Variants in CTNND2 observed in about 807,000 individuals in gnomAD.
CTNND2 encodes catenin delta 2.
Under a neutral mutation model 144.4 loss-of-function variants are expected in CTNND2, and 22 were observed. That is an observed-to-expected ratio of 0.15 (90% confidence interval 0.11 to 0.22). The LOEUF is 0.22. Among genes scored for constraint, CTNND2 ranks in the 10% least tolerant of loss-of-function variants. The pLI is 1.00. For synonymous variants in CTNND2, 751 were observed against 695.6 expected (o/e 1.08, Z -1.25); for missense variants, 1,353 against 1,618.8 (o/e 0.84, Z 2.82).
intron 12 of CTNND2, among the ~76,000 whole-genome samples, chr5:11,150,018 A>G (rs1032184349): frequency 1.3e-5 from 2 of 152,180 alleles, no homozygotes; most frequent in African/African-American, 2.4e-5. Context: ...AGAATAAGCA[A>G]TTGGCTTTCT....
chr5:11,294,488 T>C (rs1325553394), intron 9 of CTNND2, among the ~76,000 whole-genome samples: 1 of 152,198 alleles, frequency 6.6e-6, no homozygotes, highest in Admixed American at 6.5e-5. Context: ...CTAACCATAT[T>C]TGTTACCAAT....
chr5:11,641,528 C>G (rs765046702), intron 2 of CTNND2, among the ~76,000 whole-genome samples: 1 of 150,556 alleles, frequency 6.6e-6, no homozygotes, highest in African/African-American at 2.4e-5. Flanking sequence ...CACATATACA[C>G]GTATATGTAT....
Position 11,753,577 on chromosome 5 carries a change from A to T in CTNND2, c.38-21305T>A, listed in dbSNP as rs543248426. On this transcript the variant is annotated intron_variant, in intron 1 of 21. Transcript: ENST00000304623. ...TGCTGCTGGATTTGGTTCGTTTGAA[A>T]TTTGTTGATGACTTTTTACATCAAT... is the stretch of plus-strand genomic sequence containing the variant. Among the ~76,000 whole-genome samples, 3 of 151,844 alleles carry T rather than the reference A, an allele frequency of 2.0e-5. 1 individual carries two copies. The South Asian group carries it at 6.2e-4, about 32-fold the overall frequency.
intron 14 of CTNND2, among the ~76,000 whole-genome samples, chr5:11,102,280 A>AT (rs1408545828): frequency 6.6e-6 from 1 of 152,218 alleles, no homozygotes; most frequent in Non-Finnish European, 1.5e-5. Context: ...TTGAACAGGA[A>AT]AACAGACCAA....
intron 2 of CTNND2, among the ~76,000 whole-genome samples, chr5:11,590,056 T>C (rs1779131579): frequency 1.3e-5 from 2 of 151,708 alleles, no homozygotes; most frequent in African/African-American, 4.8e-5. Context: ...AATTTTTTTT[T>C]TTTTTTTGAG....
At chr5:11,235,649 T>C (rs1039742093) in intron 10 of CTNND2, among the ~76,000 whole-genome samples, 4 of 152,188 alleles carry the variant, frequency 2.6e-5, no homozygotes, top group Admixed American at 2.0e-4. Context: ...CAACCAAAGA[T>C]GTCTCCAGAT....
intron 2 of CTNND2, among the ~76,000 whole-genome samples, chr5:11,699,387 G>A (rs11957124): frequency 0.12 from 17,496 of 152,048 alleles, 3,355 homozygotes; most frequent in African/African-American, 0.4. Flanking sequence ...CTGAGGATAC[G>A]ATGAGGATGA....
intron 1 of CTNND2, among the ~76,000 whole-genome samples, chr5:11,853,011 A>T (rs2127008016): frequency 6.6e-6 from 1 of 152,284 alleles, no homozygotes; most frequent in Middle Eastern, 3.4e-3. Context: ...CAAATAAAAG[A>T]ATCACATTCA....
chr5:11,450,585 A>G (rs1765214327), intron 3 of CTNND2, among the ~76,000 whole-genome samples: 1 of 152,150 alleles, frequency 6.6e-6, no homozygotes. Flanking sequence ...GTTTCTGGAA[A>G]GAGACTGATT....
chr5:11,171,212 C>G (rs1170593130), intron 11 of CTNND2, among the ~76,000 whole-genome samples: 4 of 152,068 alleles, frequency 2.6e-5, no homozygotes, highest in Non-Finnish European at 5.9e-5. Context: ...CTGACCACAA[C>G]CTTAGAAGAG....
intron 3 of CTNND2, among the ~76,000 whole-genome samples, chr5:11,465,450 G>A (rs1341845324): frequency 6.6e-6 from 1 of 152,118 alleles, no homozygotes; most frequent in African/African-American, 2.4e-5. Flanking sequence ...TGCAGCAACT[G>A]TACACCTAGG....
chr5:11,300,093 T>A (rs150931597), intron 9 of CTNND2, among the ~76,000 whole-genome samples: 3 of 152,160 alleles, frequency 2.0e-5, no homozygotes, highest in Non-Finnish European at 4.4e-5. Context: ...GGGACTCCAT[T>A]TCAGGAGAGA....
intron 2 of CTNND2, among the ~76,000 whole-genome samples, chr5:11,650,415 G>A (rs537644665): frequency 6.6e-6 from 1 of 152,062 alleles, no homozygotes; most frequent in Non-Finnish European, 1.5e-5. Context: ...ATGCAAGAAT[G>A]GACTAATACA....
intron 1 of CTNND2, among the ~76,000 whole-genome samples, chr5:11,797,582 G>A (rs911748544): frequency 1.3e-5 from 2 of 152,060 alleles, no homozygotes; most frequent in Admixed American, 1.3e-4. Flanking sequence ...AGCTCCCATC[G>A]TCCTCATTAT....
At chr5:11,705,800 G>C (rs1053970010) in intron 2 of CTNND2, among the ~76,000 whole-genome samples, 5 of 152,112 alleles carry the variant, frequency 3.3e-5, no homozygotes, top group Admixed American at 3.3e-4. Flanking sequence ...TCCACATCTT[G>C]AGTGTGGATA....
chr5:11,843,365 T>G (rs556758625), intron 1 of CTNND2, among the ~76,000 whole-genome samples: 1 of 152,204 alleles, frequency 6.6e-6, no homozygotes, highest in African/African-American at 2.4e-5. Context: ...GACATTCAGG[T>G]TTGCAAATGA....
chr5:11,564,220 A>C (rs1215528079), intron 3 of CTNND2, among the ~76,000 whole-genome samples: 1 of 152,198 alleles, frequency 6.6e-6, no homozygotes, highest in Non-Finnish European at 1.5e-5. Flanking sequence ...CTCCCTAAAA[A>C]TGTAGTAGAG....
intron 9 of CTNND2, among the ~76,000 whole-genome samples, chr5:11,262,271 G>A (rs552135411): frequency 2.2e-4 from 33 of 152,230 alleles, no homozygotes; most frequent in African/African-American, 7.0e-4. Flanking sequence ...ACATAATAGG[G>A]AAGTCCCCTC....
chr5:11,876,760 G>A (rs1023766278), intron 1 of CTNND2, among the ~76,000 whole-genome samples: 6 of 152,098 alleles, frequency 3.9e-5, no homozygotes, highest in African/African-American at 1.4e-4. Context: ...CGCTTTAATT[G>A]GCATTGAGTT....
Sources: gnomAD v4.1 joint callset for allele counts (sites outside exome capture counted in the v4.1 genomes callset) on GRCh38, gnomAD v4.1.1 for gene constraint, MANE v1.5 for transcripts, NCBI Gene and HGNC (gene_info 2026-07-23, HGNC 2026-07-21) for gene names.